The following SEZ6L variants were observed in gnomAD, a reference collection of about 807,000 sequenced individuals.
The protein encoded by SEZ6L is seizure related 6 homolog like, also known as seizure 6-like protein.
A neutral mutation model predicts 106.2 loss-of-function variants in SEZ6L; 37 were observed. The ratio of observed to expected loss-of-function variants is 0.35; its 90% CI spans 0.27 to 0.46. SEZ6L has a LOEUF of 0.46. SEZ6L is among the 20% of genes least tolerant of loss of function. The pLI is 1.00. For synonymous variants in SEZ6L, 541 were observed against 570.4 expected, an observed-to-expected ratio of 0.95 and a Z score of 0.73; for missense variants, 1,172 against 1,332.8, an observed-to-expected ratio of 0.88 and a Z score of 1.88.
intron 9 of SEZ6L, among the ~76,000 whole-genome samples, chr22:26,335,289 A>G (rs1366666961): frequency 3.3e-5 from 5 of 152,140 alleles, no homozygotes; most frequent in Non-Finnish European, 5.9e-5. Flanking sequence ...CACATCCTAT[A>G]TTATTTTTTT....
intron 10 of SEZ6L, among the ~76,000 whole-genome samples, chr22:26,347,069 G>A (rs1448226529): frequency 2.6e-5 from 4 of 151,752 alleles, no homozygotes; most frequent in Non-Finnish European, 5.9e-5. Flanking sequence ...GGTGGTACAT[G>A]ACTGTGGTCC....
chr22:26,221,116 T>C (rs554117587), intron 1 of SEZ6L, among the ~76,000 whole-genome samples: 8 of 152,154 alleles, frequency 5.3e-5, no homozygotes, highest in Admixed American at 3.9e-4. Flanking sequence ...TCAGTGAATG[T>C]CGAACAAATA....
intron 1 of SEZ6L, among the ~76,000 whole-genome samples, chr22:26,181,741 G>A (rs867161970): frequency 6.6e-6 from 1 of 152,092 alleles, no homozygotes; most frequent in Middle Eastern, 3.2e-3. Context: ...GTAGAATAGT[G>A]GCTGGTACGT....
chr22:26,349,850 A>G (rs1212010326), intron 11 of SEZ6L, among the ~76,000 whole-genome samples: 1 of 152,152 alleles, frequency 6.6e-6, no homozygotes, highest in Admixed American at 6.5e-5. Flanking sequence ...ATATCTTTTC[A>G]TATCATACAT....
chr22:26,312,929 G>A (rs2081884926), intron 8 of SEZ6L, among the ~76,000 whole-genome samples: 3 of 152,208 alleles, frequency 2.0e-5, no homozygotes, highest in Admixed American at 2.0e-4. Context: ...GCTGGCATGT[G>A]GAGTAATGAA....
intron 1 of SEZ6L, among the ~76,000 whole-genome samples, chr22:26,261,972 T>G (rs2080022942): frequency 6.6e-6 from 1 of 152,008 alleles, no homozygotes; most frequent in Non-Finnish European, 1.5e-5. Context: ...GAGGAAGAGT[T>G]AGCCTCCACG....
intron 13 of SEZ6L, among the ~76,000 whole-genome samples, chr22:26,371,155 G>C (rs577589226): frequency 8.5e-5 from 13 of 152,140 alleles, no homozygotes; most frequent in African/African-American, 2.4e-4. Flanking sequence ...CCCTTCCTCT[G>C]TTGATGGAGA....
At chr22:26,311,174 G>T (rs549335592) in intron 7 of SEZ6L, among the ~76,000 whole-genome samples, 2 of 152,108 alleles carry the variant, frequency 1.3e-5, no homozygotes, top group African/African-American at 2.4e-5. Context: ...TTGGGTGACC[G>T]GCCCAAGACC....
At position 26,348,741 on chromosome 22, in the gene SEZ6L, A is replaced by G. The variant is rs1271717083; in HGVS notation, c.2407+828A>G. Among the ~76,000 whole-genome samples the G allele has an allele frequency of 5.2e-3, 34 of 6,486 alleles. 2 individuals carry two copies. The highest frequency in any genetic ancestry group is 0.016 in the African/African-American group (30 of 1,898). The allele number at this position is 6,486 out of a possible 152,430, so 4.3% of individuals were successfully genotyped here. A position where few individuals can be genotyped will look rare whatever the true frequency, so the allele number is the denominator to read the frequency against. ...GAAGGGAGGGAAGGGAGGGAAGGGAAGAAGGGAGGAAGGGAGGGGGAGGGA... is the reference window on the plus strand; with the variant it reads ...GAAGGGAGGGAAGGGAGGGAAGGGAGGAAGGGAGGAAGGGAGGGGGAGGGA... On this transcript the variant is annotated intron_variant, in intron 11 of 16. Transcript: ENST00000248933.
chr22:26,276,376 C>T (rs375986589), intron 1 of SEZ6L, among the ~76,000 whole-genome samples: 2 of 152,208 alleles, frequency 1.3e-5, no homozygotes, highest in Admixed American at 6.5e-5. Flanking sequence ...CTCCTGATTT[C>T]CTGGATCTTT....
intron 12 of SEZ6L, among the ~76,000 whole-genome samples, chr22:26,363,311 C>A (rs1232343869): frequency 2.0e-5 from 3 of 152,160 alleles, no homozygotes; most frequent in South Asian, 2.1e-4. Context: ...TAGCTGGGAC[C>A]TATACTGTAC....
chr22:26,299,241 C>T (rs567090200), intron 5 of SEZ6L, 72 bp downstream of exon 5: 35 of 1,201,458 alleles, frequency 2.9e-5, no homozygotes, highest in Admixed American at 2.5e-4. Flanking sequence ...TGTAGGACAC[C>T]GAGAGTGACC....
chr22:26,298,689 G>C (rs181027751), intron 4 of SEZ6L, among the ~76,000 whole-genome samples: 2 of 152,258 alleles, frequency 1.3e-5, no homozygotes, highest in Admixed American at 6.5e-5. Context: ...AGGCCAATCT[G>C]TCTCTACATA....
chr22:26,336,784 T>C (rs1413720525), intron 9 of SEZ6L, among the ~76,000 whole-genome samples: 1 of 152,168 alleles, frequency 6.6e-6, no homozygotes, highest in Non-Finnish European at 1.5e-5. Flanking sequence ...CACTCACCCA[T>C]GGTACCCACC....
In SEZ6L at chr22:26,169,464, T is replaced by A. The variant is rs1486526596; in HGVS notation, c.-206T>A. On this transcript the variant is annotated 5_prime_UTR_variant, in exon 1 of 17. Transcript: ENST00000248933. ...CGCTCGCTCGCCGGCTCCTCCTCAC[T>A]CGCCCGCCCGCGCCCGGCGCAGCTC... 12 of 298,594 alleles carry A rather than the reference T, an allele frequency of 4.0e-5. No individual in the cohort carries two copies. Among genetic ancestry groups the A allele is most frequent in the Non-Finnish European group, 7.3e-5 (12 of 163,532 alleles). 18.5% of individuals were successfully genotyped at this position (298,594 alleles called of 1,614,324 possible). A position where few individuals can be genotyped will look rare whatever the true frequency, so the allele number is the denominator to read the frequency against.
At chr22:26,198,834 T>C (rs1569371229) in intron 1 of SEZ6L, among the ~76,000 whole-genome samples, 4 of 152,214 alleles carry the variant, frequency 2.6e-5, no homozygotes, top group African/African-American at 9.6e-5. Context: ...CATTCCCACC[T>C]CCTCCTGTCT....
intron 12 of SEZ6L, among the ~76,000 whole-genome samples, chr22:26,361,713 G>C (rs1601614762): frequency 6.6e-6 from 1 of 152,088 alleles, no homozygotes; most frequent in Admixed American, 6.6e-5. Context: ...TGAGGAAACT[G>C]AGGCTCAGAG....
rs550279347 is a variant in SEZ6L, at chr22:26,269,987, G to A, written c.95-22419G>A. Among the ~76,000 whole-genome samples the A allele has an allele frequency of 7.2e-5, 11 of 152,284 alleles. No homozygotes were observed. In the South Asian group the frequency reaches 1.9e-3, roughly 26 times the overall value. Reference sequence around the variant, plus strand: ...AAGACAGTATCAGGGAAAAGACCCCGGAGAAAGACTCAGAGAAGCAAGGAC... The same window carrying A: ...AAGACAGTATCAGGGAAAAGACCCCAGAGAAAGACTCAGAGAAGCAAGGAC... On this transcript the variant is annotated intron_variant, in intron 1 of 16. Transcript: ENST00000248933.
At position 26,325,803 on chromosome 22, in the gene SEZ6L, C is replaced by T. The variant is rs60376641; in HGVS notation, c.2015+11901C>T. On this transcript the variant is annotated intron_variant, in intron 9 of 16. Transcript: ENST00000248933. ...TGAAATCATACCATGTGCAGAAGCA[C>T]TTGGCAAGGGCTTAGTACATTACAC... 1.4e-3 allele frequency among the ~76,000 whole-genome samples: 207 copies of T among 152,190 alleles called. 1 individual carries two copies. Among genetic ancestry groups the T allele is most frequent in the African/African-American group, 4.9e-3 (202 of 41,512 alleles).
Sources: allele counts gnomAD v4.1 joint callset (sites outside exome capture counted in the v4.1 genomes callset), GRCh38; gene constraint gnomAD v4.1.1; transcripts MANE v1.5; gene names NCBI Gene and HGNC (gene_info 2026-07-23, HGNC 2026-07-21).